Variants in PTPRT observed in about 807,000 individuals in gnomAD.
The protein encoded by PTPRT is protein tyrosine phosphatase receptor type T.
Under a neutral mutation model 176.8 loss-of-function variants are expected in PTPRT, and 56 were observed. The ratio of observed to expected loss-of-function variants is 0.32; its 90% CI spans 0.26 to 0.40. The LOEUF (loss-of-function observed/expected upper bound fraction) is 0.40. Ranked by LOEUF, PTPRT falls within the 10% of genes least tolerant of loss-of-function variation. The pLI is 1.00. For missense variants in PTPRT, 1,540 were observed against 1,908.2 expected (o/e 0.81, Z 3.60); for synonymous variants, 783 against 739.0 (o/e 1.06, Z -0.96).
At chr20:42,084,562 G>A (rs1287573232) in intron 29 of PTPRT, 120 bp downstream of exon 29, 8 of 842,738 alleles carry the variant, frequency 9.5e-6, no homozygotes, top group African/African-American at 1.8e-5. Flanking sequence ...GCCTTTGAGG[G>A]ATGTTGAGTT....
intron 1 of PTPRT, among the ~76,000 whole-genome samples, chr20:43,026,089 A>T (rs1175769890): frequency 6.6e-6 from 1 of 151,904 alleles, no homozygotes; most frequent in Non-Finnish European, 1.5e-5. Context: ...GTGCCTCAGG[A>T]TGACACTATA....
intron 11 of PTPRT, among the ~76,000 whole-genome samples, chr20:42,347,552 A>T (rs971398436): frequency 2.0e-5 from 3 of 152,170 alleles, no homozygotes; most frequent in African/African-American, 7.2e-5. Context: ...ACCAGGCATG[A>T]CACCATTGGT....
intron 2 of PTPRT, among the ~76,000 whole-genome samples, chr20:42,813,729 A>G (rs912577874): frequency 6.6e-6 from 1 of 152,128 alleles, no homozygotes; most frequent in African/African-American, 2.4e-5. Flanking sequence ...AGAAGGAAGG[A>G]GAGAGCTCAT....
chr20:42,764,828 G>A (rs920498450), intron 5 of PTPRT, among the ~76,000 whole-genome samples: 2 of 152,144 alleles, frequency 1.3e-5, no homozygotes, highest in Non-Finnish European at 2.9e-5. Context: ...TAGTTGCAGC[G>A]TGACCACTAG....
intron 1 of PTPRT, among the ~76,000 whole-genome samples, chr20:42,998,673 C>T (rs1984362253): frequency 6.6e-6 from 1 of 152,170 alleles, no homozygotes; most frequent in African/African-American, 2.4e-5. Flanking sequence ...TGGAATTATT[C>T]ATTCAATAAG....
chr20:42,438,423 C>A (rs1416319558), intron 9 of PTPRT, among the ~76,000 whole-genome samples: 4 of 152,066 alleles, frequency 2.6e-5, no homozygotes, highest in African/African-American at 4.8e-5. Flanking sequence ...TGATCACAGG[C>A]CCCCCTAGTT....
chr20:42,395,677 C>T (rs1797213227), intron 9 of PTPRT, among the ~76,000 whole-genome samples: 1 of 152,118 alleles, frequency 6.6e-6, no homozygotes, highest in South Asian at 2.1e-4. Context: ...TGTTAACTCA[C>T]CAATGACCTC....
At chr20:42,084,133 G>A (rs747512697) in intron 29 of PTPRT, among the ~76,000 whole-genome samples, 20 of 152,122 alleles carry the variant, frequency 1.3e-4, no homozygotes, top group Non-Finnish European at 2.8e-4. Flanking sequence ...TTTTCTTGAC[G>A]TTGCACAGCT....
intron 1 of PTPRT, among the ~76,000 whole-genome samples, chr20:43,080,896 G>A (rs1171165916): frequency 2.0e-5 from 3 of 152,186 alleles, no homozygotes; most frequent in Admixed American, 6.5e-5. Flanking sequence ...TGCCAACCAC[G>A]GCACCATTCC....
the PTPRT span, among the ~76,000 whole-genome samples, chr20:42,053,323 G>A: frequency 5.1e-3 from 780 of 152,236 alleles, 4 homozygotes; most frequent in Non-Finnish European, 7.9e-3. Context: ...TTTACTGATG[G>A]GACAATGACA....
chr20:42,213,477 T>C, intron 15 of PTPRT, among the ~76,000 whole-genome samples: 1 of 152,182 alleles, frequency 6.6e-6, no homozygotes, highest in Non-Finnish European at 1.5e-5. Context: ...GATTGAACTG[T>C]GTTCCACTCA....
chr20:42,222,415 G>C (rs1011226620), intron 15 of PTPRT, among the ~76,000 whole-genome samples: 8 of 152,168 alleles, frequency 5.3e-5, no homozygotes, highest in African/African-American at 1.9e-4. Context: ...ATAATGTTGG[G>C]TGTGTTAGGG....
intron 13 of PTPRT, among the ~76,000 whole-genome samples, chr20:42,271,785 G>C (rs950967306): frequency 1.3e-5 from 2 of 152,162 alleles, no homozygotes; most frequent in African/African-American, 4.8e-5. Flanking sequence ...TTTTAGGCTT[G>C]TCCAGGGACT....
intron 9 of PTPRT, among the ~76,000 whole-genome samples, chr20:42,410,026 G>A (rs2058998350): frequency 1.3e-5 from 2 of 151,980 alleles, no homozygotes; most frequent in African/African-American, 4.8e-5. Flanking sequence ...TCAAAATCTC[G>A]GTTTGTTCCA....
At chr20:42,310,164 G>A (rs1179847965) in intron 12 of PTPRT, among the ~76,000 whole-genome samples, 4 of 151,982 alleles carry the variant, frequency 2.6e-5, no homozygotes, top group African/African-American at 4.8e-5. Context: ...TTCAAGACAC[G>A]AGGCTTAGTT....
chr20:43,016,552 CTTTTTTTTTTTT>C (rs11482189), intron 1 of PTPRT, among the ~76,000 whole-genome samples: 3 of 76,220 alleles, frequency 3.9e-5, no homozygotes, highest in African/African-American at 2.1e-4. Flanking sequence ...TCTAAGGCCA[CTTTTTTTTTTTT>C]TTTTTTTTTT....
intron 1 of PTPRT, among the ~76,000 whole-genome samples, chr20:43,070,528 A>G (rs963075300): frequency 6.6e-6 from 1 of 152,216 alleles, no homozygotes; most frequent in African/African-American, 2.4e-5. Context: ...ATGCACATGT[A>G]TGTTTATTGT....
intron 5 of PTPRT, among the ~76,000 whole-genome samples, chr20:42,765,068 T>G (rs1003269702): frequency 3.9e-5 from 6 of 152,196 alleles, no homozygotes; most frequent in Admixed American, 3.3e-4. Context: ...CCTTTTCCTA[T>G]GAGATTCAGA....
chr20:43,001,665 GA>G (rs1025536525), intron 1 of PTPRT, among the ~76,000 whole-genome samples: 2 of 150,764 alleles, frequency 1.3e-5, no homozygotes, highest in Non-Finnish European at 1.5e-5. Context: ...AATATACCAG[GA>G]AAAAAAAATT....
Sources: allele counts gnomAD v4.1 joint callset (sites outside exome capture counted in the v4.1 genomes callset), GRCh38; gene constraint gnomAD v4.1.1; transcripts MANE v1.5; gene names NCBI Gene and HGNC (gene_info 2026-07-23, HGNC 2026-07-21).